PGGT1B: variants seen among roughly 807,000 people sequenced by gnomAD.
The protein encoded by PGGT1B is protein geranylgeranyltransferase type I subunit beta.
In PGGT1B, 30 loss-of-function variants were observed where a neutral mutation model predicts 46.1. The ratio of observed to expected loss-of-function variants is 0.65; its 90% confidence interval spans 0.49 to 0.88. The LOEUF is 0.88. PGGT1B is among the 40% of genes least tolerant of loss of function. PGGT1B has a pLI of 0.00. For missense variants in PGGT1B, 376 were observed against 455.9 expected (o/e 0.82, Z 1.60); for synonymous variants, 170 against 160.0 (o/e 1.06, Z -0.47).
At chr5:115,241,250 C>T (rs575324864) in intron 3 of PGGT1B, among the ~76,000 whole-genome samples, 1 of 152,236 alleles carries the variant, frequency 6.6e-6, no homozygotes, top group Non-Finnish European at 1.5e-5. Flanking sequence ...AACTTTTACA[C>T]ACAGATGTAT....
At chr5:115,242,243 T>A (rs557664215) in intron 2 of PGGT1B, among the ~76,000 whole-genome samples, 70 of 152,218 alleles carry the variant, frequency 4.6e-4, no homozygotes, top group Non-Finnish European at 9.3e-4. Flanking sequence ...TTTTTCTATC[T>A]AAAAATTTTC....
At chr5:115,258,497 T>C (rs1453244714) in intron 1 of PGGT1B, among the ~76,000 whole-genome samples, 4 of 152,244 alleles carry the variant, frequency 2.6e-5, no homozygotes, top group Non-Finnish European at 5.9e-5. Flanking sequence ...CTTTCCATGA[T>C]CTGATGCATG....
At chr5:115,251,608 A>C (rs1444607757) in intron 2 of PGGT1B, among the ~76,000 whole-genome samples, 1 of 152,092 alleles carries the variant, frequency 6.6e-6, no homozygotes. Flanking sequence ...CTACAGCTTG[A>C]GTTCTCTCAT....
chr5:115,223,310 A>C (rs2126996845), intron 6 of PGGT1B, among the ~76,000 whole-genome samples: 2 of 152,272 alleles, frequency 1.3e-5, no homozygotes, highest in East Asian at 1.9e-4. Flanking sequence ...TATACGGAGA[A>C]AGAGGCTTTG....
intron 3 of PGGT1B, among the ~76,000 whole-genome samples, chr5:115,240,314 A>G (rs1757310554): frequency 6.6e-6 from 1 of 152,188 alleles, no homozygotes; most frequent in South Asian, 2.1e-4. Flanking sequence ...GGGAAGGATC[A>G]TATTTTAAAA....
rs866560176 is a variant in PGGT1B at position 115,212,642 on chromosome 5, A to G, written c.953-59T>C. ...CATTCTTACTTGTACATTCTACAGA[A>G]TATTTTAGCCACATATTTACCAGCC... is the stretch of plus-strand genomic sequence containing the variant. On this transcript the variant is annotated intron_variant, in intron 8 of 8. Transcript: ENST00000419445. 1.2e-5 allele frequency: 14 copies of G among 1,194,096 alleles called. No individual in the cohort carries two copies. The African/African-American group carries it at 2.2e-4, about 18-fold the overall frequency. The allele number at this position is 1,194,096 out of a possible 1,614,324, so 74.0% of individuals were successfully genotyped here. A position where few individuals can be genotyped will look rare whatever the true frequency, so the allele number is the denominator to read the frequency against.
chr5:115,246,312 C>A (rs372333940), intron 2 of PGGT1B, among the ~76,000 whole-genome samples: 1 of 150,448 alleles, frequency 6.6e-6, no homozygotes, highest in African/African-American at 2.4e-5. Flanking sequence ...GCCAAGATTG[C>A]GCCACTGCAC....
Position 115,236,526 on chromosome 5 carries a change from AAAAT to A in PGGT1B, c.480-8_480-5del. ...GCCTTCAGGTACTGCACAAAAACTG[AAAAT>A]AATAACAACAATATGATTTTCTATT... On this transcript the variant is annotated splice_region_variant and splice_polypyrimidine_tract_variant and intron_variant, in intron 4 of 8. Coordinates refer to ENST00000419445, the MANE Select transcript of PGGT1B (RefSeq NM_005023.4). 1 of 1,521,066 alleles carries A rather than the reference AAAAT, an allele frequency of 6.6e-7. No individual in the cohort carries two copies. Among genetic ancestry groups the A allele is most frequent in the South Asian group, 1.3e-5 (1 of 74,102 alleles). The allele number at this position is 1,521,066 out of a possible 1,614,324, so 94.2% of individuals were successfully genotyped here.
chr5:115,228,080 A>T (rs1756850124), intron 6 of PGGT1B, among the ~76,000 whole-genome samples: 2 of 152,228 alleles, frequency 1.3e-5, no homozygotes, highest in Admixed American at 6.5e-5. Flanking sequence ...GTTATTTCTG[A>T]ATAGCATCAA....
intron 6 of PGGT1B, among the ~76,000 whole-genome samples, chr5:115,227,724 A>C (rs11960213): frequency 0.3 from 45,938 of 152,088 alleles, 8,053 homozygotes; most frequent in Non-Finnish European, 0.4. Flanking sequence ...GTATAAAATC[A>C]TATTTCTATT....
intron 1 of PGGT1B, among the ~76,000 whole-genome samples, chr5:115,259,310 G>A (rs532315252): frequency 2.5e-4 from 38 of 152,308 alleles, no homozygotes; most frequent in Admixed American, 2.3e-3. Flanking sequence ...GCCCAGGTAT[G>A]TGCATTTTTG....
intron 2 of PGGT1B, among the ~76,000 whole-genome samples, chr5:115,242,238 C>T (rs1378695027): frequency 6.6e-6 from 1 of 152,048 alleles, no homozygotes; most frequent in Non-Finnish European, 1.5e-5. Context: ...TACTTTTTTT[C>T]TATCTAAAAA....
chr5:115,255,237 C>G (rs1748263257), intron 1 of PGGT1B, among the ~76,000 whole-genome samples: 1 of 152,168 alleles, frequency 6.6e-6, no homozygotes, highest in Non-Finnish European at 1.5e-5. Flanking sequence ...CAGGCCTTTT[C>G]TATAGACTCT....
intron 7 of PGGT1B, among the ~76,000 whole-genome samples, chr5:115,218,386 T>A (rs1756484399): frequency 8.0e-6 from 1 of 124,308 alleles, no homozygotes; most frequent in African/African-American, 3.4e-5. Context: ...TTAAGCATTA[T>A]ATGTGTGTGT....
rs746555423 is a variant in PGGT1B at position 115,217,017 on chromosome 5, T to C, written c.844-44A>G. On this transcript the variant is annotated intron_variant, in intron 7 of 8. Coordinates refer to ENST00000419445, the MANE Select transcript of PGGT1B (RefSeq NM_005023.4). Reference sequence around the variant, plus strand: ...TAAAAATTTACTGACATAAAACTCATATCAACCTTTGGCTCAAATTTCAGA... The same window carrying C: ...TAAAAATTTACTGACATAAAACTCACATCAACCTTTGGCTCAAATTTCAGA... 8 of 859,600 alleles carry C rather than the reference T, an allele frequency of 9.3e-6. No homozygotes were observed. In the South Asian group the frequency reaches 1.1e-4, roughly 12 times the overall value. The allele number at this position is 859,600 out of a possible 1,614,324, so 53.2% of individuals were successfully genotyped here.
chr5:115,242,230 CT>C (rs908320196), intron 2 of PGGT1B, among the ~76,000 whole-genome samples: 75 of 152,232 alleles, frequency 4.9e-4, no homozygotes, highest in African/African-American at 1.6e-3. Flanking sequence ...TTTATCCATA[CT>C]TTTTTTCTAT....
intron 6 of PGGT1B, among the ~76,000 whole-genome samples, chr5:115,227,404 A>G (rs1580753816): frequency 6.6e-6 from 1 of 152,146 alleles, no homozygotes; most frequent in African/African-American, 2.4e-5. Flanking sequence ...TGGTTAGAGG[A>G]GGTAAGCAAC....
rs558076967 is a variant in PGGT1B at position 115,214,220 on chromosome 5, A to G, written c.953-1637T>C. 9.7e-4 allele frequency among the ~76,000 whole-genome samples: 147 copies of G among 152,302 alleles called. 1 individual carries two copies. The highest frequency in any genetic ancestry group is 1.0e-3 in the Non-Finnish European group (70 of 68,014). On this transcript the variant is annotated intron_variant, in intron 8 of 8. Transcript: ENST00000419445. ...AATCTCTCTGGGTAAAGTAACAAATAAAACTTATTTGTTTCTCAAAAAGAT... is the reference window on the plus strand; with the variant it reads ...AATCTCTCTGGGTAAAGTAACAAATGAAACTTATTTGTTTCTCAAAAAGAT...
Position 115,262,692 on chromosome 5 carries a change from C to T in PGGT1B, c.140+20G>A. 1 of 1,593,186 alleles carries T rather than the reference C, an allele frequency of 6.3e-7. No individual in the cohort carries two copies. Among genetic ancestry groups the T allele is most frequent in the East Asian group, 2.3e-5 (1 of 43,820 alleles). On this transcript the variant is annotated intron_variant, in intron 1 of 8. Coordinates refer to ENST00000419445, the MANE Select transcript of PGGT1B (RefSeq NM_005023.4). ...GAGCCCGGGCCTTGTGCCAGCCTGG[C>T]TGACTGTGCCACGAGTTACCTGCTT...
Sources: allele counts gnomAD v4.1 joint callset (sites outside exome capture counted in the v4.1 genomes callset), GRCh38; gene constraint gnomAD v4.1.1; transcripts MANE v1.5; gene names NCBI Gene and HGNC (gene_info 2026-07-23, HGNC 2026-07-21).